Variants in MYLK3 observed in about 807,000 individuals in gnomAD.
MYLK3 encodes the protein myosin light chain kinase 3, also known as MLC kinase.
In MYLK3, 55 loss-of-function variants were observed where a neutral mutation model predicts 76.3. The observed-to-expected ratio is 0.72, with a 90% confidence interval of 0.58 to 0.90. The LOEUF is 0.90. Among genes scored for constraint, MYLK3 ranks in the 40% least tolerant of loss-of-function variants. The probability of loss-of-function intolerance (pLI) is 0.00; values close to 1 mark genes in which losing one functional copy is unlikely to be tolerated. For missense variants in MYLK3, 973 were observed against 1,053.6 expected (o/e 0.92, Z 1.06); for synonymous variants, 416 against 425.4 (o/e 0.98, Z 0.27).
Position 46,716,489 on chromosome 16 carries a change from GTATA to G in MYLK3, c.1986-3717_1986-3714del, listed in dbSNP as rs72215258. ...TATATATATATGTGTGTGTGTATGT[GTATA>G]TATATGTGTGTGTGTGTGTGTGTGT... On this transcript the variant is annotated intron_variant, in intron 9 of 12. Coordinates refer to ENST00000394809, the MANE Select transcript of MYLK3 (RefSeq NM_182493.3). 3.4e-4 allele frequency among the ~76,000 whole-genome samples: 24 copies of G among 70,696 alleles called. No homozygotes were observed. In the South Asian group the frequency reaches 9.0e-3, roughly 27 times the overall value. The allele number at this position is 70,696 out of a possible 152,430, so 46.4% of individuals were successfully genotyped here.
chr16:46,721,737 C>T (rs1416868553), intron 8 of MYLK3, among the ~76,000 whole-genome samples: 2 of 152,160 alleles, frequency 1.3e-5, no homozygotes, highest in African/African-American at 4.8e-5. Flanking sequence ...TCTAAACTCA[C>T]GTCTCAGAAC....
intron 3 of MYLK3, among the ~76,000 whole-genome samples, chr16:46,735,752 T>C (rs1164992026): frequency 6.6e-6 from 1 of 152,190 alleles, no homozygotes; most frequent in Non-Finnish European, 1.5e-5. Flanking sequence ...TCAGGCCTCC[T>C]GCCAGACCAA....
chr16:46,728,987 C>T, intron 7 of MYLK3, 37 bp downstream of exon 7: 2 of 1,517,264 alleles, frequency 1.3e-6, no homozygotes, highest in East Asian at 2.2e-5. Flanking sequence ...TGAGCCCTGG[C>T]TTGAGCCGAG....
At chr16:46,734,099 T>A (rs1245459053) in intron 3 of MYLK3, among the ~76,000 whole-genome samples, 1 of 152,326 alleles carries the variant, frequency 6.6e-6, no homozygotes, top group East Asian at 1.9e-4. Context: ...CCAAGAGACA[T>A]CTGTACACTC....
chr16:46,732,597 G>C lies in MYLK3; in HGVS notation c.1073C>G (p.Pro358Arg). Residue 358 changes from proline to arginine, a missense_variant, in exon 4 of 13, where the codon CCC (proline) becomes CGC (arginine). Physicochemically the swap from Pro to Arg is moderately radical, Grantham distance 103. Around this residue, in one of 2 missense-constraint regions of MYLK3, gnomAD observed 641 missense variants for 637.0 expected, o/e 1.01. Transcript: ENST00000394809. ...MLMTGRGSLGPTLTTEAPAAA... is the reference protein window; with the variant it reads ...MLMTGRGSLGRTLTTEAPAAA... ...TGCTGGAGCCTCTGTGGTGAGGGTG[G>C]GTCCAAGGCTGCCCCTGCCTGTCAT... The C allele has an allele frequency of 6.3e-7, 1 of 1,587,222 alleles. No individual in the cohort carries two copies. Among genetic ancestry groups the C allele is most frequent in the Non-Finnish European group, 8.5e-7 (1 of 1,173,384 alleles).
chr16:46,751,189 T>G (rs1199797699), upstream of MYLK3, among the ~76,000 whole-genome samples: 2 of 151,996 alleles, frequency 1.3e-5, no homozygotes, highest in African/African-American at 4.8e-5. Flanking sequence ...GGCAGGCGAA[T>G]CACTTGAGGC....
intron 3 of MYLK3, among the ~76,000 whole-genome samples, chr16:46,735,528 A>G (rs764221068): frequency 7.2e-5 from 11 of 152,114 alleles, no homozygotes; most frequent in Non-Finnish European, 1.3e-4. Context: ...AATTTTTTAA[A>G]AGAAAACAGT....
intron 10 of MYLK3, chr16:46,711,783 C>T: frequency 3.4e-6 from 1 of 293,520 alleles, no homozygotes. Flanking sequence ...CATTAGTCCA[C>T]AAGGAATAAC....
intron 12 of MYLK3, among the ~76,000 whole-genome samples, chr16:46,708,586 C>G (rs1391774269): frequency 6.6e-6 from 1 of 152,134 alleles, no homozygotes; most frequent in Non-Finnish European, 1.5e-5. Flanking sequence ...TCCCAAATAG[C>G]TGGAACTATA....
chr16:46,734,037 T>C (rs1404317867), intron 3 of MYLK3, among the ~76,000 whole-genome samples: 1 of 152,178 alleles, frequency 6.6e-6, no homozygotes, highest in Non-Finnish European at 1.5e-5. Flanking sequence ...TACCGCATGT[T>C]TCAGCAACTC....
At chr16:46,710,370 A>G (rs747411780) in intron 11 of MYLK3, among the ~76,000 whole-genome samples, 51 of 152,370 alleles carry the variant, frequency 3.3e-4, no homozygotes, top group Non-Finnish European at 5.6e-4. Flanking sequence ...ACCTTAGCCT[A>G]TGACAACTGA....
intron 12 of MYLK3, among the ~76,000 whole-genome samples, chr16:46,708,159 C>A (rs1038038408): frequency 6.6e-6 from 1 of 152,072 alleles, no homozygotes. Context: ...GCAACCACCA[C>A]CACGACCAGC....
intron 1 of MYLK3, among the ~76,000 whole-genome samples, chr16:46,753,550 T>A (rs1158113432): frequency 4.6e-5 from 7 of 152,124 alleles, no homozygotes; most frequent in African/African-American, 1.7e-4. Flanking sequence ...AAGGGAAGAC[T>A]AAAGCAAATA....
intron 1 of MYLK3, among the ~76,000 whole-genome samples, chr16:46,741,427 T>C (rs1345810620): frequency 1.3e-5 from 2 of 152,236 alleles, no homozygotes; most frequent in African/African-American, 4.8e-5. Flanking sequence ...GCCATCAGTA[T>C]GCTTAGTTAG....
At position 46,703,850 on chromosome 16, in the gene MYLK3, C is replaced by T. The variant is rs1966599885; in HGVS notation, c.*3854G>A. ...GATCTGCCCTGTCCAATATAGATGC[C>T]ACTAACCACGTGTGGCTATTAAACA... On this transcript the variant is annotated 3_prime_UTR_variant, in exon 13 of 13. Coordinates refer to ENST00000394809, the MANE Select transcript of MYLK3 (RefSeq NM_182493.3). The T allele has an allele frequency of 6.5e-6, 1 of 153,704 alleles. No homozygotes were observed. The highest frequency in any genetic ancestry group is 2.4e-5 in the African/African-American group (1 of 41,434). The allele number at this position is 153,704 out of a possible 1,614,324, so 9.5% of individuals were successfully genotyped here. A position where few individuals can be genotyped will look rare whatever the true frequency, so the allele number is the denominator to read the frequency against.
At chr16:46,746,928 G>A (rs763377719) in intron 1 of MYLK3, among the ~76,000 whole-genome samples, 4 of 152,156 alleles carry the variant, frequency 2.6e-5, no homozygotes, top group African/African-American at 7.2e-5. Flanking sequence ...GCAGGCAGCC[G>A]ACACAGAGTC....
At chr16:46,725,767 G>A (rs1193710418) in intron 8 of MYLK3, 2 of 152,202 alleles carry the variant, frequency 1.3e-5, no homozygotes, top group Non-Finnish European at 2.9e-5. Context: ...ATCAGGATAA[G>A]ATTAGCCTCA....
rs2143011648 is a variant in MYLK3 at position 46,702,632 on chromosome 16, T to G, written c.*5072A>C. ...TGTGAATTTTTAATTATAAATGTAA[T>G]ACATGCGGGCCAGGCGCAGTGGCTC... is the stretch of plus-strand genomic sequence containing the variant. On this transcript the variant is annotated 3_prime_UTR_variant, in exon 13 of 13. Coordinates refer to ENST00000394809, the MANE Select transcript of MYLK3 (RefSeq NM_182493.3). 6.6e-6 allele frequency among the ~76,000 whole-genome samples: 1 copy of G among 152,294 alleles called. No individual in the cohort carries two copies. The highest frequency in any genetic ancestry group is 2.4e-5 in the African/African-American group (1 of 41,552).
At chr16:46,726,717 G>GAAAGA (rs1966842612) in intron 8 of MYLK3, 2 of 131,006 alleles carry the variant, frequency 1.5e-5, no homozygotes, top group Non-Finnish European at 3.2e-5. Flanking sequence ...AAGAAAGAAA[G>GAAAGA]AAAGAAAGAA....
Sources: gnomAD v4.1 joint callset for allele counts (sites outside exome capture counted in the v4.1 genomes callset) on GRCh38, gnomAD v4.1.1 for gene constraint, gnomAD v4.1.1 regional missense constraint, MANE v1.5 for transcripts, NCBI Gene and HGNC (gene_info 2026-07-23, HGNC 2026-07-21) for gene names.